The following ABCB11 variants were observed in gnomAD, a reference collection of about 807,000 sequenced individuals.
ABCB11 encodes bile salt export pump.
In ABCB11, 95 loss-of-function variants were observed where a neutral mutation model predicts 148.0. The ratio of observed to expected loss-of-function variants is 0.64; its 90% CI spans 0.54 to 0.76. The LOEUF (loss-of-function observed/expected upper bound fraction) is 0.76. ABCB11 is among the 30% of genes least tolerant of loss of function. The pLI, the probability that ABCB11 is intolerant of heterozygous loss-of-function variation, is 0.00. For synonymous variants in ABCB11, 591 were observed against 555.4 expected, an observed-to-expected ratio of 1.06 and a Z score of -0.90; for missense variants, 1,523 against 1,617.8, an observed-to-expected ratio of 0.94 and a Z score of 1.01.
intron 3 of ABCB11, among the ~76,000 whole-genome samples, chr2:169,015,494 C>T (rs920306649): frequency 5.3e-5 from 8 of 152,114 alleles, no homozygotes; most frequent in African/African-American, 1.4e-4. Flanking sequence ...TCTTGCTGAC[C>T]TTTGTCCATG....
intron 19 of ABCB11, among the ~76,000 whole-genome samples, chr2:168,950,153 A>G (rs1314645887): frequency 2.0e-5 from 3 of 150,940 alleles, no homozygotes; most frequent in East Asian, 3.9e-4. Context: ...ACACACACAC[A>G]CACACACACA....
At chr2:168,918,642 A>G (rs1362149317), downstream of ABCB11, among the ~76,000 whole-genome samples, 1 of 152,246 alleles carries the variant, frequency 6.6e-6, no homozygotes, top group East Asian at 1.9e-4. Context: ...CATGAAAAAC[A>G]TCATTGCATA....
chr2:168,931,819 T>C (rs1325667563), intron 24 of ABCB11, among the ~76,000 whole-genome samples: 2 of 152,194 alleles, frequency 1.3e-5, no homozygotes, highest in Non-Finnish European at 1.5e-5. Flanking sequence ...GGAATAATTT[T>C]TGATGCTAAT....
chr2:169,012,032 A>C (rs1695202964), intron 5 of ABCB11, among the ~76,000 whole-genome samples: 1 of 152,154 alleles, frequency 6.6e-6, no homozygotes, highest in Admixed American at 6.6e-5. Flanking sequence ...TTGATGTTTA[A>C]AAAAATTTTG....
chr2:168,946,054 G>C (rs1692289975), intron 19 of ABCB11, among the ~76,000 whole-genome samples: 1 of 151,818 alleles, frequency 6.6e-6, no homozygotes, highest in African/African-American at 2.4e-5. Context: ...AGTAACTGAG[G>C]ATCTTGTTAC....
chr2:168,939,779 G>A (rs538736154), intron 21 of ABCB11, among the ~76,000 whole-genome samples: 2 of 152,120 alleles, frequency 1.3e-5, no homozygotes, highest in South Asian at 4.1e-4. Context: ...CCCTGTATAT[G>A]CAGAGCAATT....
At chr2:169,008,644 A>G (rs758406639) in intron 5 of ABCB11, among the ~76,000 whole-genome samples, 4 of 152,184 alleles carry the variant, frequency 2.6e-5, no homozygotes, top group Non-Finnish European at 5.9e-5. Context: ...GCTAAATAAC[A>G]AGTGCTGGTG....
At chr2:168,939,928 T>C (rs940385097) in intron 21 of ABCB11, among the ~76,000 whole-genome samples, 1 of 152,078 alleles carries the variant, frequency 6.6e-6, no homozygotes, top group Admixed American at 6.6e-5. Flanking sequence ...GGCATTATTA[T>C]TGCCATCGTT....
chr2:168,931,006 A>C, intron 24 of ABCB11, 144 bp from the exon 25 acceptor site: 1 of 687,036 alleles, frequency 1.5e-6, no homozygotes, highest in Non-Finnish European at 2.4e-6. Flanking sequence ...ACAGCAACTT[A>C]ATAAAAGGAC....
intron 5 of ABCB11, among the ~76,000 whole-genome samples, chr2:169,002,326 A>C (rs1027985806): frequency 6.6e-6 from 1 of 152,206 alleles, no homozygotes; most frequent in Non-Finnish European, 1.5e-5. Context: ...TGTGGAAAAA[A>C]GGGAACACTT....
chr2:168,924,882 C>A, intron 26 of ABCB11, 79 bp from the exon 27 acceptor site: 2 of 1,205,222 alleles, frequency 1.7e-6, no homozygotes, highest in East Asian at 2.5e-5. Flanking sequence ...TCAAGGTCTC[C>A]TCTGTAATTT....
intron 5 of ABCB11, among the ~76,000 whole-genome samples, chr2:169,006,105 T>C (rs921289775): frequency 8.5e-5 from 13 of 152,186 alleles, no homozygotes; most frequent in Admixed American, 2.0e-4. Context: ...AGAAAACTCT[T>C]ATATATTATA....
intron 18 of ABCB11, among the ~76,000 whole-genome samples, chr2:168,958,466 G>A (rs1442486613): frequency 2.0e-5 from 3 of 151,600 alleles, no homozygotes; most frequent in Non-Finnish European, 4.4e-5. Context: ...CTTTGCTACG[G>A]TTGTATTTAT....
At chr2:168,950,523 C>T (rs73018713) in intron 19 of ABCB11, among the ~76,000 whole-genome samples, 3,359 of 151,716 alleles carry the variant, frequency 0.022, 118 homozygotes, top group African/African-American at 0.075. Context: ...ATTTACATGT[C>T]TATGATGATT....
At chr2:169,002,557 G>T (rs1288944056) in intron 5 of ABCB11, among the ~76,000 whole-genome samples, 1 of 152,042 alleles carries the variant, frequency 6.6e-6, no homozygotes, top group African/African-American at 2.4e-5. Flanking sequence ...ACAAATGAAT[G>T]GATAAAGAAA....
intron 21 of ABCB11, among the ~76,000 whole-genome samples, chr2:168,943,685 A>T (rs1692171643): frequency 6.6e-6 from 1 of 152,004 alleles, no homozygotes; most frequent in East Asian, 1.9e-4. Flanking sequence ...TTTCCCCCTA[A>T]GTGAAAGGAT....
chr2:169,012,428 T>C (rs1044335015), intron 5 of ABCB11, among the ~76,000 whole-genome samples: 6 of 152,096 alleles, frequency 3.9e-5, no homozygotes, highest in Non-Finnish European at 7.4e-5. Flanking sequence ...CTGTGTGAGT[T>C]CTGGCTACTT....
intron 2 of ABCB11, among the ~76,000 whole-genome samples, 168 bp from the exon 3 acceptor site, chr2:169,016,967 T>C (rs893330693): frequency 7.1e-6 from 1 of 141,264 alleles, no homozygotes. Context: ...ATATTGTCTC[T>C]CTCTATCTTT....
At chr2:168,986,437 T>C (rs1694327912) in intron 9 of ABCB11, among the ~76,000 whole-genome samples, 153 bp from the exon 10 acceptor site, 2 of 152,128 alleles carry the variant, frequency 1.3e-5, no homozygotes, top group Non-Finnish European at 1.5e-5. Flanking sequence ...ATAACCTTTA[T>C]GTAGTTTTTT....
Sources: allele counts gnomAD v4.1 joint callset (sites outside exome capture counted in the v4.1 genomes callset), GRCh38; gene constraint gnomAD v4.1.1; transcripts MANE v1.5; gene names NCBI Gene and HGNC (gene_info 2026-07-23, HGNC 2026-07-21).